Variants in LARGE1 observed in about 807,000 individuals in gnomAD.
LARGE1 encodes LARGE xylosyl- and glucuronyltransferase 1, also known as xylosyl- and glucuronyltransferase LARGE1.
LARGE1 carries 43 observed loss-of-function variants against 87.6 expected under a neutral mutation model. That is an observed-to-expected ratio of 0.49 (90% CI 0.38 to 0.63). The LOEUF (loss-of-function observed/expected upper bound fraction) is 0.63, where lower values mean the gene tolerates loss of function less well. LARGE1 is among the 30% of genes least tolerant of loss of function. The pLI is 0.00. For synonymous variants in LARGE1, 434 were observed against 394.6 expected (o/e 1.10, Z -1.18); for missense variants, 802 against 1,000.2 (o/e 0.80, Z 2.67).
intron 2 of LARGE1, among the ~76,000 whole-genome samples, chr22:33,744,813 C>T (rs556530942): frequency 1.3e-5 from 2 of 152,314 alleles, no homozygotes; most frequent in South Asian, 4.1e-4. Flanking sequence ...CAGCAAGATG[C>T]ACTGTATATA....
At chr22:33,365,594 G>A (rs1416033146) in intron 9 of LARGE1, among the ~76,000 whole-genome samples, 1 of 151,344 alleles carries the variant, frequency 6.6e-6, no homozygotes, top group Admixed American at 6.6e-5. Flanking sequence ...TACATGTGTT[G>A]AAGTATCTTT....
At chr22:33,667,626 T>C (rs2081304771) in intron 2 of LARGE1, among the ~76,000 whole-genome samples, 2 of 152,192 alleles carry the variant, frequency 1.3e-5, no homozygotes, top group Non-Finnish European at 1.5e-5. Context: ...AAAAACATAA[T>C]ATAAATTATT....
At chr22:33,327,844 G>A (rs887661641) in intron 10 of LARGE1, among the ~76,000 whole-genome samples, 1 of 152,106 alleles carries the variant, frequency 6.6e-6, no homozygotes, top group Non-Finnish European at 1.5e-5. Context: ...TTCCCAGCTT[G>A]GGCCAAATTT....
intron 2 of LARGE1, among the ~76,000 whole-genome samples, chr22:33,696,267 T>C (rs4453778): frequency 0.021 from 2,568 of 124,366 alleles, 49 homozygotes; most frequent in African/African-American, 0.059. Context: ...TTCTTTCTTT[T>C]TTTTTTTTTT....
intron 1 of LARGE1, among the ~76,000 whole-genome samples, chr22:33,794,216 T>A (rs1339074525): frequency 6.6e-6 from 1 of 152,124 alleles, no homozygotes; most frequent in Non-Finnish European, 1.5e-5. Context: ...CAAATGCTGG[T>A]GGAGACTGTG....
At chr22:33,159,935 TA>T (rs5845068), downstream of LARGE1, among the ~76,000 whole-genome samples, 8 of 144,100 alleles carry the variant, frequency 5.6e-5, no homozygotes, top group Admixed American at 6.9e-5. Flanking sequence ...CTATTAGTGG[TA>T]AAAAAAAAAA....
chr22:33,205,264 T>TA (rs368883368), intron 11 of LARGE1, among the ~76,000 whole-genome samples: 1 of 152,226 alleles, frequency 6.6e-6, no homozygotes, highest in African/African-American at 2.4e-5. Context: ...GATCATGCAC[T>TA]AAAAAAATAA....
At chr22:33,603,831 T>C (rs1024199757) in intron 5 of LARGE1, among the ~76,000 whole-genome samples, 12 of 152,150 alleles carry the variant, frequency 7.9e-5, no homozygotes, top group East Asian at 3.8e-4. Context: ...CACAAAAAAA[T>C]TGTAAGGGGA....
intron 6 of LARGE1, among the ~76,000 whole-genome samples, chr22:33,446,026 T>TA (rs2067675039): frequency 6.6e-6 from 1 of 152,170 alleles, no homozygotes; most frequent in African/African-American, 2.4e-5. Context: ...AAGGCAGAAT[T>TA]AGAGGGTTGG....
chr22:33,316,211 A>G lies in LARGE1; in HGVS notation c.1325T>C (p.Leu442Pro). Residue 442 changes from leucine (L) to proline (P), a missense_variant, in exon 11 of 15, where the codon CTG becomes CCG. By Grantham distance (98) the Leu-to-Pro change is moderately conservative. Transcript: ENST00000397394. The part of the protein sequence containing the change: ...KQLSELDEDD[L>P]CYEFRRERFT... ...GCGCTCTCGCCGGAACTCATAGCAC[A>G]GGTCGTCCTCGTCCAGCTCAGACAG... The G allele has an allele frequency of 6.2e-7, 1 of 1,614,072 alleles. No individual in the cohort carries two copies. The highest frequency in any genetic ancestry group is 8.5e-7 in the Non-Finnish European group (1 of 1,179,980).
intron 2 of LARGE1, among the ~76,000 whole-genome samples, chr22:33,752,698 G>C (rs764977773): frequency 2.6e-4 from 40 of 152,190 alleles, no homozygotes; most frequent in Admixed American, 6.5e-4. Flanking sequence ...CACCATCTCT[G>C]CTCTGTCCAT....
the LARGE1 span, among the ~76,000 whole-genome samples, chr22:33,154,470 C>T: frequency 1.3e-5 from 2 of 152,110 alleles, no homozygotes; most frequent in South Asian, 2.1e-4. Flanking sequence ...GAACTCCTGA[C>T]CTAAGGTGAT....
intron 1 of LARGE1, among the ~76,000 whole-genome samples, chr22:33,905,230 AT>A (rs1242073384): frequency 2.6e-5 from 4 of 151,446 alleles, no homozygotes; most frequent in Non-Finnish European, 5.9e-5. Context: ...TGCCCAGCTG[AT>A]TTTTTTTAAC....
intron 3 of LARGE1, among the ~76,000 whole-genome samples, chr22:33,632,557 AC>A (rs2149101432): frequency 1.7e-3 from 1 of 594 alleles, no homozygotes; most frequent in African/African-American, 6.0e-3. Flanking sequence ...GCCCAATCAC[AC>A]AAGTTCCAGT....
intron 9 of LARGE1, among the ~76,000 whole-genome samples, chr22:33,353,569 A>G (rs1054155249): frequency 5.9e-5 from 9 of 152,226 alleles, no homozygotes; most frequent in African/African-American, 2.2e-4. Context: ...GAGATTTGCT[A>G]TGGAATTAAA....
At chr22:33,705,171 C>T (rs1355064596) in intron 2 of LARGE1, among the ~76,000 whole-genome samples, 1 of 152,186 alleles carries the variant, frequency 6.6e-6, no homozygotes, top group Non-Finnish European at 1.5e-5. Flanking sequence ...GAAACACACA[C>T]AATACAGCAC....
intron 6 of LARGE1, among the ~76,000 whole-genome samples, chr22:33,502,571 C>T (rs1333421262): frequency 1.3e-5 from 2 of 150,110 alleles, no homozygotes; most frequent in African/African-American, 5.0e-5. Context: ...CATATCCTGC[C>T]ACGTGCTTTT....
chr22:33,650,596 C>A lies in LARGE1; in HGVS notation c.179G>T (p.Arg60Leu). The A allele has an allele frequency of 6.2e-7, 1 of 1,605,398 alleles. No individual in the cohort carries two copies. Among genetic ancestry groups the A allele is most frequent in the Non-Finnish European group, 8.5e-7 (1 of 1,179,926 alleles). ...HSPRYTASSQ[R>L]ERESLEVRMR... ...GCGCACCTCCAGGCTCTCGCGCTCC[C>A]GCTGGCTGGAGGCCGTGTACCTGGG... The change falls in exon 3 of 15, where the codon CGG becomes CTG. Residue 60 changes from arginine to leucine, a missense_variant. Arg to Leu is a moderately radical substitution (Grantham distance 102). Transcript: ENST00000397394.
At chr22:33,573,556 G>T (rs1205687640) in intron 5 of LARGE1, among the ~76,000 whole-genome samples, 2 of 152,210 alleles carry the variant, frequency 1.3e-5, no homozygotes, top group Non-Finnish European at 2.9e-5. Context: ...ACCTTAATAT[G>T]GGGCAGGTAC....
Sources: gnomAD v4.1 joint callset for allele counts (sites outside exome capture counted in the v4.1 genomes callset) on GRCh38, gnomAD v4.1.1 for gene constraint, MANE v1.5 for transcripts, NCBI Gene and HGNC (gene_info 2026-07-23, HGNC 2026-07-21) for gene names.